Variants in IGF1R observed in about 807,000 individuals in gnomAD.
The protein encoded by IGF1R is insulin-like growth factor 1 receptor.
IGF1R carries 44 observed loss-of-function variants against 144.6 expected under a neutral mutation model. The observed-to-expected ratio is 0.30, with a 90% confidence interval of 0.24 to 0.39. The LOEUF (loss-of-function observed/expected upper bound fraction) is 0.39. IGF1R is among the 10% of genes least tolerant of loss of function. The pLI, the probability that IGF1R is intolerant of heterozygous loss-of-function variation, is 1.00. For missense variants in IGF1R, 1,355 were observed against 1,833.7 expected (o/e 0.74, Z 4.77); for synonymous variants, 795 against 722.8 (o/e 1.10, Z -1.60).
chr15:98,878,698 A>AAAAAAAAAAAAAAAAG, intron 2 of IGF1R, among the ~76,000 whole-genome samples: 1 of 134,482 alleles, frequency 7.4e-6, no homozygotes, highest in Non-Finnish European at 1.6e-5. Context: ...AAAAAAAACA[A>AAAAAAAAAAAAAAAAG]CAACAAAAAA....
intron 17 of IGF1R, among the ~76,000 whole-genome samples, chr15:98,936,904 G>A (rs921447152): frequency 2.6e-5 from 4 of 151,986 alleles, no homozygotes; most frequent in East Asian, 1.9e-4. Flanking sequence ...TCTTTCTTTC[G>A]AGATGGAGTT....
Position 98,911,343 on chromosome 15 carries a change from C to T in IGF1R, c.1491C>T (p.Ser497=). The change falls in exon 7 of 21, where the codon TCC becomes TCT. Residue 497 remains serine (S), a synonymous_variant. Transcript: ENST00000650285. ...SCESDVLHFT[S]TTTSKNRIII... is the part of the protein sequence containing the mutation. ...AAAGTGACGTCCTGCATTTCACCTCCACCACCACGTCGAAGAATCGCATCA... is the reference window on the plus strand; with the variant it reads ...AAAGTGACGTCCTGCATTTCACCTCTACCACCACGTCGAAGAATCGCATCA... 2 of 1,614,162 alleles carry T rather than the reference C, an allele frequency of 1.2e-6. No homozygotes were observed. The highest frequency in any genetic ancestry group is 2.2e-5 in the South Asian group (2 of 91,078).
At chr15:98,656,063 A>C (rs935869773) in intron 1 of IGF1R, among the ~76,000 whole-genome samples, 1 of 152,230 alleles carries the variant, frequency 6.6e-6, no homozygotes, top group Non-Finnish European at 1.5e-5. Flanking sequence ...AGTTTCTTTT[A>C]TGGTGAGGGA....
At chr15:98,749,211 C>T (rs1203011228) in intron 2 of IGF1R, among the ~76,000 whole-genome samples, 2 of 151,426 alleles carry the variant, frequency 1.3e-5, no homozygotes, top group Non-Finnish European at 2.9e-5. Context: ...TACGTAAATA[C>T]CCTTTAATTT....
chr15:98,753,918 G>A (rs1236580715), intron 2 of IGF1R, among the ~76,000 whole-genome samples: 1 of 152,118 alleles, frequency 6.6e-6, no homozygotes, highest in Non-Finnish European at 1.5e-5. Context: ...AAAAGTCTTT[G>A]TTGCAGGAAT....
chr15:98,711,176 T>A (rs148611905), intron 2 of IGF1R, among the ~76,000 whole-genome samples: 1 of 152,298 alleles, frequency 6.6e-6, no homozygotes, highest in East Asian at 1.9e-4. Context: ...GGGAGCTCCA[T>A]GAAGGGCATT....
chr15:98,841,544 TA>T (rs2011174711), intron 2 of IGF1R, among the ~76,000 whole-genome samples: 1 of 152,320 alleles, frequency 6.6e-6, no homozygotes, highest in African/African-American at 2.4e-5. Context: ...CCTGGCTTTT[TA>T]GGCCTCTCTT....
chr15:98,743,453 C>G (rs1400615702), intron 2 of IGF1R, among the ~76,000 whole-genome samples: 1 of 152,054 alleles, frequency 6.6e-6, no homozygotes, highest in East Asian at 1.9e-4. Flanking sequence ...TACAACTGTT[C>G]GACTAACTGT....
At chr15:98,888,726 A>T (rs185629781) in intron 2 of IGF1R, among the ~76,000 whole-genome samples, 7 of 152,308 alleles carry the variant, frequency 4.6e-5, no homozygotes, top group African/African-American at 7.2e-5. Context: ...CACTTTAGAG[A>T]TAGCTCTGAA....
At chr15:98,790,408 C>A (rs139502460) in intron 2 of IGF1R, among the ~76,000 whole-genome samples, 1 of 152,190 alleles carries the variant, frequency 6.6e-6, no homozygotes, top group African/African-American at 2.4e-5. Flanking sequence ...GCACAGAAAA[C>A]GCCATAAGCT....
At chr15:98,931,468 A>G (rs2015937507) in intron 15 of IGF1R, among the ~76,000 whole-genome samples, 1 of 152,186 alleles carries the variant, frequency 6.6e-6, no homozygotes, top group Non-Finnish European at 1.5e-5. Context: ...ATAATTTCTA[A>G]TTCAGTTTAT....
chr15:98,779,935 C>T (rs1596298330), intron 2 of IGF1R, among the ~76,000 whole-genome samples: 2 of 152,102 alleles, frequency 1.3e-5, no homozygotes, highest in South Asian at 2.1e-4. Flanking sequence ...GAGTTAGTTC[C>T]CTTTTCAGCT....
chr15:98,654,044 G>T (rs994182929), intron 1 of IGF1R, among the ~76,000 whole-genome samples: 1 of 152,206 alleles, frequency 6.6e-6, no homozygotes, highest in East Asian at 1.9e-4. Context: ...TTGAAATTCA[G>T]ATTTTTTTTC....
In IGF1R at chr15:98,779,893, A is replaced by T. The variant is rs565776513; in HGVS notation, c.640+71786A>T. 2.0e-5 allele frequency among the ~76,000 whole-genome samples: 3 copies of T among 152,296 alleles called. No individual in the cohort carries two copies. In the East Asian group the frequency reaches 5.8e-4, roughly 30 times the overall value. On this transcript the variant is annotated intron_variant, in intron 2 of 20. Transcript: ENST00000650285. Reference sequence around the variant, plus strand: ...AGTTAATTAGCAGAGTTTGCCCTCCAGGCTCGGAGGGCAAGTCAGCCTGGG... The same window carrying T: ...AGTTAATTAGCAGAGTTTGCCCTCCTGGCTCGGAGGGCAAGTCAGCCTGGG...
intron 2 of IGF1R, among the ~76,000 whole-genome samples, chr15:98,828,335 A>G (rs552392407): frequency 2.0e-4 from 30 of 152,116 alleles, no homozygotes; most frequent in Admixed American, 6.5e-5. Flanking sequence ...ACAAAAAGCC[A>G]CTGCAAGCCC....
chr15:98,648,620 A>G lies in IGF1R; in HGVS notation c.-962A>G, dbSNP rs1350122069. Among the ~76,000 whole-genome samples the G allele has an allele frequency of 2.8e-5, 4 of 144,540 alleles. No homozygotes were observed. The highest frequency in any genetic ancestry group is 2.1e-4 in the East Asian group (1 of 4,796). 94.8% of individuals were successfully genotyped at this position (144,540 alleles called of 152,430 possible). On this transcript the variant is annotated 5_prime_UTR_variant, in exon 1 of 21. Transcript: ENST00000650285. ...TTAACTCCGCTGAGCGGAAAAAAAA[A>G]GGGAAAAAACCCGAGGAGGAGCGAG...
intron 2 of IGF1R, among the ~76,000 whole-genome samples, chr15:98,842,206 A>G (rs1415715435): frequency 6.6e-6 from 1 of 152,156 alleles, no homozygotes; most frequent in African/African-American, 2.4e-5. Flanking sequence ...TTTCTCTACA[A>G]TCGAAGCTCA....
At chr15:98,809,149 T>G (rs1335157318) in intron 2 of IGF1R, among the ~76,000 whole-genome samples, 1 of 152,228 alleles carries the variant, frequency 6.6e-6, no homozygotes, top group Non-Finnish European at 1.5e-5. Flanking sequence ...CTGAGGCCCT[T>G]TGACACTCCG....
intron 2 of IGF1R, among the ~76,000 whole-genome samples, chr15:98,828,458 G>A (rs956427995): frequency 6.6e-6 from 1 of 152,140 alleles, no homozygotes; most frequent in South Asian, 2.1e-4. Flanking sequence ...CTCATTTGTG[G>A]ATCTGACTCC....
Sources: allele counts gnomAD v4.1 joint callset (sites outside exome capture counted in the v4.1 genomes callset), GRCh38; gene constraint gnomAD v4.1.1; transcripts MANE v1.5; gene names NCBI Gene and HGNC (gene_info 2026-07-23, HGNC 2026-07-21).